The following CAPZB variants were observed in gnomAD, a reference collection of about 807,000 sequenced individuals.
CAPZB encodes the protein capping actin protein of muscle Z-line subunit beta.
CAPZB carries 2 observed loss-of-function variants against 38.1 expected under a neutral mutation model. The observed-to-expected ratio is 0.05, with a 90% confidence interval of 0.02 to 0.17. The LOEUF (loss-of-function observed/expected upper bound fraction) is 0.17. Among genes scored for constraint, CAPZB ranks in the 10% least tolerant of loss-of-function variants. The probability of loss-of-function intolerance (pLI) is 1.00; values close to 1 mark genes in which losing one functional copy is unlikely to be tolerated. For synonymous variants in CAPZB, 107 were observed against 127.4 expected, an observed-to-expected ratio of 0.84 and a Z score of 1.08; for missense variants, 161 against 334.2, an observed-to-expected ratio of 0.48 and a Z score of 4.04.
At chr1:19,419,034 T>C (rs2094391358) in intron 2 of CAPZB, among the ~76,000 whole-genome samples, 1 of 152,252 alleles carries the variant, frequency 6.6e-6, no homozygotes, top group Non-Finnish European at 1.5e-5. Context: ...CAATATTTCC[T>C]ATGGCTTTAT....
intron 1 of CAPZB, among the ~76,000 whole-genome samples, chr1:19,432,071 A>G (rs1270901145): frequency 6.6e-6 from 1 of 150,970 alleles, no homozygotes; most frequent in East Asian, 1.9e-4. Flanking sequence ...AAAAAGAAAA[A>G]AAAAGAAAAT....
chr1:19,372,735 C>G (rs1234004082), intron 4 of CAPZB, among the ~76,000 whole-genome samples: 1 of 152,106 alleles, frequency 6.6e-6, no homozygotes, highest in South Asian at 2.1e-4. Context: ...AATGATCCTC[C>G]GAGCCAGCTG....
chr1:19,352,593 C>A (rs182422133), intron 6 of CAPZB, among the ~76,000 whole-genome samples: 4 of 152,240 alleles, frequency 2.6e-5, no homozygotes, highest in Admixed American at 2.6e-4. Context: ...TGGGGGGCCA[C>A]GTGGCAGTGT....
intron 1 of CAPZB, among the ~76,000 whole-genome samples, chr1:19,440,518 A>G (rs1027165659): frequency 2.0e-5 from 3 of 152,174 alleles, no homozygotes; most frequent in Non-Finnish European, 2.9e-5. Context: ...AGACCAGCCT[A>G]AGGCCAACCG....
chr1:19,421,407 G>A (rs573039540), intron 1 of CAPZB, among the ~76,000 whole-genome samples: 9 of 152,264 alleles, frequency 5.9e-5, no homozygotes, highest in Admixed American at 5.9e-4. Flanking sequence ...TGAAAGAAAA[G>A]AAAAAGCCTG....
chr1:19,406,582 C>T (rs72653905), intron 2 of CAPZB, among the ~76,000 whole-genome samples: 28,699 of 152,092 alleles, frequency 0.19, 3,239 homozygotes, highest in South Asian at 0.29. Flanking sequence ...TGGGCACAAA[C>T]AGCGTGACGG....
chr1:19,453,257 C>T (rs1459112876), intron 1 of CAPZB, among the ~76,000 whole-genome samples: 5 of 152,030 alleles, frequency 3.3e-5, no homozygotes, highest in African/African-American at 1.2e-4. Flanking sequence ...GTCTTTTATT[C>T]TATTTTTTTG....
intron 1 of CAPZB, among the ~76,000 whole-genome samples, chr1:19,425,282 A>G (rs1012362149): frequency 4.6e-5 from 7 of 152,240 alleles, no homozygotes; most frequent in Non-Finnish European, 1.0e-4. Flanking sequence ...ATAGTAAAAG[A>G]AGGACCATTT....
intron 4 of CAPZB, among the ~76,000 whole-genome samples, chr1:19,368,443 G>C (rs2094101778): frequency 6.7e-6 from 1 of 149,432 alleles, no homozygotes. Flanking sequence ...CCAGGAGTTT[G>C]AGACCAGCCT....
At chr1:19,447,560 GCAT>G (rs1409165671) in intron 1 of CAPZB, among the ~76,000 whole-genome samples, 1 of 152,044 alleles carries the variant, frequency 6.6e-6, no homozygotes, top group African/African-American at 2.4e-5. Flanking sequence ...AGGGAACTCA[GCAT>G]CATCATAGAA....
intron 3 of CAPZB, among the ~76,000 whole-genome samples, chr1:19,383,116 CAAAAA>C (rs34245294): frequency 7.8e-6 from 1 of 128,258 alleles, no homozygotes. Flanking sequence ...CCCATCTCTA[CAAAAA>C]AAAAAAAAAA....
At chr1:19,352,509 C>T (rs1466996473) in intron 6 of CAPZB, among the ~76,000 whole-genome samples, 5 of 152,252 alleles carry the variant, frequency 3.3e-5, no homozygotes, top group Admixed American at 2.0e-4. Flanking sequence ...AGTGACCTCT[C>T]AGTACAACTT....
chr1:19,449,146 T>C, intron 1 of CAPZB: 1 of 1,366,994 alleles, frequency 7.3e-7, no homozygotes, highest in Non-Finnish European at 9.5e-7. Flanking sequence ...GTAGAGTCTC[T>C]GTAAGGCTGA....
At chr1:19,409,989 G>A (rs988443925) in intron 2 of CAPZB, among the ~76,000 whole-genome samples, 13 of 152,180 alleles carry the variant, frequency 8.5e-5, no homozygotes, top group Admixed American at 2.0e-4. Flanking sequence ...GTTTTAGTGT[G>A]TTTTCCTTCA....
intron 1 of CAPZB, among the ~76,000 whole-genome samples, chr1:19,421,940 C>T (rs1216274836): frequency 1.3e-5 from 2 of 151,858 alleles, no homozygotes; most frequent in Admixed American, 6.6e-5. Flanking sequence ...TAAATGATTC[C>T]CCTGCCCAAC....
At chr1:19,355,216 G>A (rs971896490) in intron 6 of CAPZB, among the ~76,000 whole-genome samples, 5 of 152,096 alleles carry the variant, frequency 3.3e-5, no homozygotes, top group African/African-American at 4.8e-5. Context: ...ACACTGGGCC[G>A]GGTGTGGTGG....
intron 8 of CAPZB, among the ~76,000 whole-genome samples, chr1:19,342,507 C>CA (rs2093935291): frequency 6.6e-6 from 1 of 152,176 alleles, no homozygotes; most frequent in South Asian, 2.1e-4. Flanking sequence ...AAGCAAAAGC[C>CA]AAAAAATCAG....
intron 1 of CAPZB, among the ~76,000 whole-genome samples, chr1:19,468,291 CA>C (rs1051792342): frequency 6.6e-6 from 1 of 152,088 alleles, no homozygotes; most frequent in African/African-American, 2.4e-5. Context: ...TATAACAAAA[CA>C]AAAAAACACA....
At chr1:19,477,277 T>C (rs1031399222) in intron 1 of CAPZB, among the ~76,000 whole-genome samples, 1 of 152,184 alleles carries the variant, frequency 6.6e-6, no homozygotes, top group Non-Finnish European at 1.5e-5. Flanking sequence ...CCATCCTCTC[T>C]GCCTGAACAA....
Sources: gnomAD v4.1 joint callset for allele counts (sites outside exome capture counted in the v4.1 genomes callset) on GRCh38, gnomAD v4.1.1 for gene constraint, MANE v1.5 for transcripts, NCBI Gene and HGNC (gene_info 2026-07-23, HGNC 2026-07-21) for gene names.